Variants in LHX2 observed in about 807,000 individuals in gnomAD.
LHX2 encodes LIM homeobox 2, also known as LIM/homeobox protein Lhx2.
Under a neutral mutation model 33.0 loss-of-function variants are expected in LHX2, and 6 were observed. The observed-to-expected ratio is 0.18, with a 90% CI of 0.10 to 0.36. The LOEUF is 0.36. LHX2 is among the 10% of genes least tolerant of loss of function. LHX2 has a pLI of 1.00. For missense variants in LHX2, 442 were observed against 586.2 expected (o/e 0.75, Z 2.54); for synonymous variants, 292 against 253.1 (o/e 1.15, Z -1.46).
chr9:124,013,057 C>G (rs1443766434), intron 1 of LHX2, among the ~76,000 whole-genome samples: 1 of 152,124 alleles, frequency 6.6e-6, no homozygotes, highest in East Asian at 1.9e-4. Context: ...TGGCCCTCGC[C>G]GAAGGAGACT....
At chr9:124,025,257 A>T (rs1484094997) in intron 4 of LHX2, among the ~76,000 whole-genome samples, 2 of 152,106 alleles carry the variant, frequency 1.3e-5, no homozygotes, top group Admixed American at 1.3e-4. Context: ...CCTGGCTAAC[A>T]CAGAGAAACC....
Position 124,030,629 on chromosome 9 carries a change from T to TC in LHX2, c.934-1791_934-1790insC, listed in dbSNP as rs1319857442. Among the ~76,000 whole-genome samples, 6 of 35,410 alleles carry TC rather than the reference T, an allele frequency of 1.7e-4. No individual in the cohort carries two copies. In the East Asian group the frequency reaches 4.3e-3, roughly 25 times the overall value. The allele number at this position is 35,410 out of a possible 152,430, so 23.2% of individuals were successfully genotyped here. On this transcript the variant is annotated intron_variant, in intron 4 of 4. Transcript: ENST00000373615. ...TAGATGAATTTCATTTTTCTTTTCT[T>TC]TTTTTTTTTTTTTTTTTTTTGAGAT... is the stretch of plus-strand genomic sequence containing the variant.
In LHX2 at chr9:124,024,072, C is replaced by G. The variant is rs890459614; in HGVS notation, c.933+2768C>G. ...GCCTGCCTGATCAATGGACATAGTT[C>G]TTTCTTCTTTGAGCCAATCTGGCAA... is the stretch of plus-strand genomic sequence containing the variant. On this transcript the variant is annotated intron_variant, in intron 4 of 4. Coordinates refer to ENST00000373615, the MANE Select transcript of LHX2 (RefSeq NM_004789.4). Among the ~76,000 whole-genome samples the G allele has an allele frequency of 6.6e-5, 10 of 152,194 alleles. 1 individual carries two copies. The highest frequency in any genetic ancestry group is 2.4e-4 in the African/African-American group (10 of 41,448).
Position 124,015,589 on chromosome 9 carries a change from G to C in LHX2, c.727+64G>C, listed in dbSNP as rs752623774. 2.8e-6 allele frequency: 4 copies of C among 1,425,650 alleles called. No individual in the cohort carries two copies. The highest frequency in any genetic ancestry group is 3.7e-6 in the Non-Finnish European group (4 of 1,080,614). The allele number at this position is 1,425,650 out of a possible 1,614,324, so 88.3% of individuals were successfully genotyped here. A position where few individuals can be genotyped will look rare whatever the true frequency, so the allele number is the denominator to read the frequency against. On this transcript the variant is annotated intron_variant, in intron 3 of 4. Transcript: ENST00000373615. The surrounding 1 kb of genome is among the most constrained non-coding windows in gnomAD (Gnocchi z 7.9). The stretch of plus-strand genomic sequence containing the variant: ...GGGAAAGTGTGCGGCCTCGACGGCC[G>C]GGAGCTGGATTGAATCTCTGTGTGC...
intron 3 of LHX2, among the ~76,000 whole-genome samples, chr9:124,017,099 C>T (rs939548404): frequency 3.3e-5 from 5 of 152,194 alleles, no homozygotes; most frequent in Non-Finnish European, 5.9e-5. Context: ...GCCGTTTGCC[C>T]CAGCGAGGTG....
At position 124,014,199 on chromosome 9, in the gene LHX2, C is replaced by T; in HGVS notation, c.323+36C>T. 1.5e-6 allele frequency: 2 copies of T among 1,367,844 alleles called. No individual in the cohort carries two copies. The highest frequency in any genetic ancestry group is 1.0e-6 in the Non-Finnish European group (1 of 993,132). The allele number at this position is 1,367,844 out of a possible 1,614,324, so 84.7% of individuals were successfully genotyped here. ...CACCCAACTGCCCCTCAGGACCCCT[C>T]CCCCCAATCTCAGGCACAGTCTTAC... On this transcript the variant is annotated intron_variant, in intron 2 of 4. Transcript: ENST00000373615. The surrounding 1 kb of genome is among the most constrained non-coding windows in gnomAD (Gnocchi z 4.8).
intron 4 of LHX2, among the ~76,000 whole-genome samples, chr9:124,030,633 T>A (rs34834172): frequency 7.8e-6 from 1 of 127,662 alleles, no homozygotes; most frequent in Non-Finnish European, 1.6e-5. Context: ...TTTTCTTTTT[T>A]TTTTTTTTTT....
At chr9:124,028,563 TGAGGGACAAACCC>T (rs1336009844) in intron 4 of LHX2, among the ~76,000 whole-genome samples, 2 of 152,132 alleles carry the variant, frequency 1.3e-5, no homozygotes, top group Non-Finnish European at 2.9e-5. Context: ...GGTCCAGAGG[TGAGGGACAAACCC>T]GAGGTCACGT....
chr9:124,029,765 G>T (rs1312365401), intron 4 of LHX2, among the ~76,000 whole-genome samples: 3 of 152,236 alleles, frequency 2.0e-5, no homozygotes, highest in Non-Finnish European at 4.4e-5. Flanking sequence ...AGCACAGGCT[G>T]CTCAGGGGTC....
At chr9:124,029,366 T>C (rs2118781422) in intron 4 of LHX2, among the ~76,000 whole-genome samples, 1 of 152,288 alleles carries the variant, frequency 6.6e-6, no homozygotes, top group South Asian at 2.1e-4. Context: ...AAAGGGTCCC[T>C]GCTCCCATCA....
intron 3 of LHX2, among the ~76,000 whole-genome samples, chr9:124,020,786 G>C (rs972999681): frequency 7.2e-5 from 11 of 151,776 alleles, no homozygotes; most frequent in Non-Finnish European, 1.6e-4. Context: ...ACAAGTCGTA[G>C]CTGTTGTTGC....
At position 124,015,619 on chromosome 9, in the gene LHX2, C is replaced by T; in HGVS notation, c.727+94C>T. The stretch of plus-strand genomic sequence containing the variant: ...CTGGATTGAATCTCTGTGTGCTGGG[C>T]AAATAGCGAGCCTTAAGCACCGGAC... On this transcript the variant is annotated intron_variant, in intron 3 of 4. Transcript: ENST00000373615. The surrounding 1 kb of genome is among the most constrained non-coding windows in gnomAD (Gnocchi z 7.9). 1 of 1,337,502 alleles carries T rather than the reference C, an allele frequency of 7.5e-7. No homozygotes were observed. Among genetic ancestry groups the T allele is most frequent in the African/African-American group, 1.5e-5 (1 of 67,584 alleles). 82.9% of individuals were successfully genotyped at this position (1,337,502 alleles called of 1,614,324 possible). A position where few individuals can be genotyped will look rare whatever the true frequency, so the allele number is the denominator to read the frequency against.
At chr9:124,022,454 G>A (rs142630808) in intron 4 of LHX2, among the ~76,000 whole-genome samples, 1 of 152,228 alleles carries the variant, frequency 6.6e-6, no homozygotes, top group African/African-American at 2.4e-5. Context: ...TTGATAGCAA[G>A]TTTAACCAAT....
chr9:124,015,348 G>A lies in LHX2; in HGVS notation c.550G>A (p.Ala184Thr). ...CGAGTACCCCGCACACTTCAACCAT[G>A]CCGACGTGGCAGCGGCGGCCGCTGC... is the stretch of plus-strand genomic sequence containing the variant. ...QGEYPAHFNH[A>T]DVAAAAAAAA... Residue 184 changes from alanine (A) to threonine (T), a missense_variant, in exon 3 of 5, where the codon GCC (alanine) becomes ACC (threonine). By Grantham distance (58) the Ala-to-Thr change is moderately conservative. Around this residue, in one of 5 missense-constraint regions of LHX2, gnomAD observed 132 missense variants for 139.1 expected, o/e 0.95. Transcript: ENST00000373615. This position sits in a 1 kb window ranked among gnomAD's most constrained non-coding sequence, Gnocchi z 7.9. The A allele has an allele frequency of 6.2e-7, 1 of 1,611,760 alleles. No individual in the cohort carries two copies. Among genetic ancestry groups the A allele is most frequent in the Non-Finnish European group, 8.5e-7 (1 of 1,178,760 alleles).
chr9:124,027,405 A>G (rs1355299312), intron 4 of LHX2, among the ~76,000 whole-genome samples: 1 of 152,214 alleles, frequency 6.6e-6, no homozygotes, highest in East Asian at 1.9e-4. Flanking sequence ...CTGTTTGTGC[A>G]GTAAGAGGCA....
chr9:124,028,965 C>T, intron 4 of LHX2, among the ~76,000 whole-genome samples: 1 of 152,052 alleles, frequency 6.6e-6, no homozygotes, highest in East Asian at 1.9e-4. Context: ...AAAAAATTAG[C>T]CAGGCATGGT....
rs572172874 is a variant in LHX2, at chr9:124,014,986, C to G, written c.324-136C>G. The G allele has an allele frequency of 1.5e-5, 14 of 916,404 alleles. 1 individual carries two copies. Among genetic ancestry groups the G allele is most frequent in the South Asian group, 1.1e-4 (7 of 61,282 alleles). The allele number at this position is 916,404 out of a possible 1,614,324, so 56.8% of individuals were successfully genotyped here. A position where few individuals can be genotyped will look rare whatever the true frequency, so the allele number is the denominator to read the frequency against. On this transcript the variant is annotated intron_variant, in intron 2 of 4. Transcript: ENST00000373615. The surrounding 1 kb of genome is among the most constrained non-coding windows in gnomAD (Gnocchi z 4.8). ...GTCAAAATCTAGTTCTCTCTCCCCC[C>G]CATCCTCCAAATAAAGGCCGGGTTG...
intron 4 of LHX2, among the ~76,000 whole-genome samples, chr9:124,027,753 G>T (rs1295856533): frequency 6.6e-6 from 1 of 152,126 alleles, no homozygotes; most frequent in Non-Finnish European, 1.5e-5. Flanking sequence ...GGGAGGCAGA[G>T]GTTGCAGTGA....
chr9:124,029,779 C>G (rs559557167), intron 4 of LHX2, among the ~76,000 whole-genome samples: 2 of 152,222 alleles, frequency 1.3e-5, no homozygotes, highest in Admixed American at 1.3e-4. Flanking sequence ...AGGGGTCACA[C>G]GCACACAGGC....
Sources: allele counts gnomAD v4.1 joint callset (sites outside exome capture counted in the v4.1 genomes callset), GRCh38; gene constraint gnomAD v4.1.1; regional missense constraint gnomAD v4.1.1; non-coding constraint Gnocchi (gnomAD v3.1); transcripts MANE v1.5; gene names NCBI Gene and HGNC (gene_info 2026-07-23, HGNC 2026-07-21).